Variants in PDIA2 observed in about 807,000 individuals in gnomAD.
The protein encoded by PDIA2 is protein disulfide-isomerase A2.
Under a neutral mutation model 51.1 loss-of-function variants are expected in PDIA2, and 76 were observed. The ratio of observed to expected loss-of-function variants is 1.49; its 90% CI spans 1.24 to 1.80. The LOEUF (loss-of-function observed/expected upper bound fraction) is 1.80, where lower values mean the gene tolerates loss of function less well. PDIA2 is among the 40% of genes most tolerant of loss of function. PDIA2 has a pLI of 0.00. For synonymous variants in PDIA2, 429 were observed against 309.9 expected (o/e 1.38, Z -4.04); for missense variants, 946 against 706.5 (o/e 1.34, Z -3.84).
chr16:285,803 CAG>C lies in PDIA2; in HGVS notation c.1119+101_1119+102del, dbSNP rs2052349988. The C allele has an allele frequency of 7.6e-6, 10 of 1,322,044 alleles. No individual in the cohort carries two copies. The African/African-American group carries it at 1.5e-4, about 19-fold the overall frequency. 81.9% of individuals were successfully genotyped at this position (1,322,044 alleles called of 1,614,324 possible). ...CAGCTCTCAGAGCCCCCTGCCCCTGCAGGCCCCGCAGAGGCCCCCCTCAACCC... is the reference window on the plus strand; with the variant it reads ...CAGCTCTCAGAGCCCCCTGCCCCTGCGCCCCGCAGAGGCCCCCCTCAACCC... On this transcript the variant is annotated intron_variant, in intron 7 of 10. Coordinates refer to ENST00000219406, the MANE Select transcript of PDIA2 (RefSeq NM_006849.4).
chr16:286,319 C>T (rs932088044), intron 7 of PDIA2, 34 bp from the exon 8 acceptor site: 5 of 1,566,594 alleles, frequency 3.2e-6, no homozygotes, highest in East Asian at 2.3e-5. Context: ...CTGCAGAGGA[C>T]CCCTGGCAAA....
chr16:283,780 G>A (rs1050042894), intron 1 of PDIA2, among the ~76,000 whole-genome samples: 21 of 152,214 alleles, frequency 1.4e-4, no homozygotes, highest in South Asian at 6.2e-4. Context: ...ACACACATAG[G>A]AACTGTTCTT....
chr16:286,844 T>C lies in PDIA2; in HGVS notation c.1432T>C (p.Tyr478His), dbSNP rs374859186. ...CCCTGCCTCTTCTCAGGTGATTGAA[T>C]ACAAAAGCACCAGGGACCTGGAGAC... ...PAGPGRKVIEYKSTRDLETFS... is the reference protein window; with the variant it reads ...PAGPGRKVIEHKSTRDLETFS... Residue 478 changes from tyrosine (Y) to histidine (H), a missense_variant, in exon 10 of 11, where the codon TAC becomes CAC. Tyr to His is a moderately conservative substitution (Grantham distance 83, BLOSUM62 2). Coordinates refer to ENST00000219406, the MANE Select transcript of PDIA2 (RefSeq NM_006849.4). The C allele has an allele frequency of 3.7e-6, 6 of 1,610,396 alleles. No individual in the cohort carries two copies. The highest frequency in any genetic ancestry group is 4.5e-5 in the East Asian group (2 of 44,828).
chr16:286,927 G>C lies in PDIA2; in HGVS notation c.1515G>C (p.Glu505Asp), dbSNP rs745610054. The C allele has an allele frequency of 2.5e-6, 4 of 1,599,332 alleles. No individual in the cohort carries two copies. The South Asian group carries it at 3.3e-5, about 13-fold the overall frequency. Reference protein sequence around the residue: ...GVLPTEEPPEEPAAPFPEPPA... With the variant: ...GVLPTEEPPEDPAAPFPEPPA... Reference sequence around the variant, plus strand: ...TGCCCACGGAGGAGCCCCCGGAGGAGCCAGCAGCCCCGTTCCCGGTGGGTG... The same window carrying C: ...TGCCCACGGAGGAGCCCCCGGAGGACCCAGCAGCCCCGTTCCCGGTGGGTG... The change falls in exon 10 of 11, where the codon GAG becomes GAC. Residue 505 changes from glutamate (E) to aspartate (D), a missense_variant. Physicochemically the swap from Glu to Asp is conservative, Grantham distance 45. Coordinates refer to ENST00000219406, the MANE Select transcript of PDIA2 (RefSeq NM_006849.4).
At chr16:284,816 C>T (rs567851675) in intron 3 of PDIA2, 24 bp downstream of exon 3, 45 of 1,590,398 alleles carry the variant, frequency 2.8e-5, no homozygotes, top group Middle Eastern at 3.4e-4. Flanking sequence ...CATGGGGGGC[C>T]GGGCCATGAG....
In PDIA2 at chr16:286,728, G is replaced by C; in HGVS notation, c.1415G>C (p.Gly472Ala). The change falls in exon 9 of 11, where the codon GGT becomes GCT. Residue 472 changes from glycine to alanine, a missense_variant. Gly to Ala is a moderately conservative substitution (Grantham distance 60). Transcript: ENST00000219406. ...CTCAAGTACTTCCCAGCAGGGCCAG[G>C]TCGGAAGGTATGGCGGACAGGTGGC... ...PTLKYFPAGP[G>A]RKVIEYKSTR... 1 of 1,612,896 alleles carries C rather than the reference G, an allele frequency of 6.2e-7. No individual in the cohort carries two copies. The highest frequency in any genetic ancestry group is 8.5e-7 in the Non-Finnish European group (1 of 1,179,970).
At chr16:283,440 T>G in intron 1 of PDIA2, 72 bp downstream of exon 1, 1 of 1,440,298 alleles carries the variant, frequency 6.9e-7, no homozygotes, top group Non-Finnish European at 9.2e-7. Flanking sequence ...CCCCACCCTT[T>G]GCCGGCAAAT....
chr16:285,256 A>G, intron 5 of PDIA2, 56 bp downstream of exon 5: 1 of 1,612,092 alleles, frequency 6.2e-7, no homozygotes, highest in Non-Finnish European at 8.5e-7. Flanking sequence ...TCGTCCAGGG[A>G]TGGGGGTGCC....
intron 7 of PDIA2, 51 bp downstream of exon 7, chr16:285,754 C>T: frequency 1.9e-6 from 3 of 1,571,022 alleles, no homozygotes; most frequent in Non-Finnish European, 2.6e-6. Flanking sequence ...CTCATCCCAC[C>T]AGCTTGGCAG....
intron 4 of PDIA2, 33 bp downstream of exon 4, chr16:285,048 G>GCTGCAGCGCCCGCTAACCCAC (rs1299973917): frequency 6.2e-7 from 1 of 1,613,172 alleles, no homozygotes; most frequent in Non-Finnish European, 8.5e-7. Flanking sequence ...TTGGGGTCCG[G>GCTGCAGCGCCCGCTAACCCAC]CTGCAGCGCC....
Position 286,682 on chromosome 16 carries a change from G to C in PDIA2, c.1369G>C (p.Ala457Pro), listed in dbSNP as rs777980410. Residue 457 changes from alanine (A) to proline (P), a missense_variant, in exon 9 of 11, where the codon GCT becomes CCT. Physicochemically the swap from Ala to Pro is conservative, Grantham distance 27. Transcript: ENST00000219406. ...CACGGCCAACGAGCTGGATGCCTTCGCTGTGCACGGCTTCCCTACTCTCAA... is the reference window on the plus strand; with the variant it reads ...CACGGCCAACGAGCTGGATGCCTTCCCTGTGCACGGCTTCCCTACTCTCAA... Reference protein sequence around the residue: ...DATANELDAFAVHGFPTLKYF... With the variant: ...DATANELDAFPVHGFPTLKYF... The C allele has an allele frequency of 6.2e-7, 1 of 1,612,878 alleles. No individual in the cohort carries two copies. The highest frequency in any genetic ancestry group is 8.5e-7 in the Non-Finnish European group (1 of 1,179,996).
In PDIA2 at chr16:285,148, C is replaced by G; in HGVS notation, c.743C>G (p.Ser248Trp). Residue 248 changes from serine to tryptophan, a missense_variant, in exon 5 of 11, where the codon TCG (serine) becomes TGG (tryptophan). Coordinates refer to ENST00000219406, the MANE Select transcript of PDIA2 (RefSeq NM_006849.4). ...CTTGGCCTGGACCTGGGGGATCTGT[C>G]GCGCTTCCTGGTCACACACAGCATG... is the stretch of plus-strand genomic sequence containing the variant. ...EELGLDLGDL[S>W]RFLVTHSMRL... 2 of 1,612,916 alleles carry G rather than the reference C, an allele frequency of 1.2e-6. No individual in the cohort carries two copies. Among genetic ancestry groups the G allele is most frequent in the Non-Finnish European group, 1.7e-6 (2 of 1,179,870 alleles).
chr16:286,373 G>GA lies in PDIA2; in HGVS notation c.1141dup (p.Ile381AsnfsTer4). 1.2e-6 allele frequency: 2 copies of GA among 1,609,604 alleles called. No individual in the cohort carries two copies. Among genetic ancestry groups the GA allele is most frequent in the Non-Finnish European group, 1.7e-6 (2 of 1,179,138 alleles). On this transcript the variant is annotated frameshift_variant, in exon 8 of 11. Transcript: ENST00000219406. LOFTEE classifies it high-confidence loss of function. ...CCCAGCCCTATCTCCTGAGCCAGGAGATACCCCCTGATTGGGATCAGCGGC... is the reference window on the plus strand; with the variant it reads ...CCCAGCCCTATCTCCTGAGCCAGGAGAATACCCCCTGATTGGGATCAGCGGC...
At position 286,474 on chromosome 16, in the gene PDIA2, G is replaced by GT; in HGVS notation, c.1240+2dup. 2 of 1,613,234 alleles carry GT rather than the reference G, an allele frequency of 1.2e-6. No homozygotes were observed. Among genetic ancestry groups the GT allele is most frequent in the East Asian group, 2.2e-5 (1 of 44,844 alleles). On this transcript the variant is annotated splice_donor_variant, in intron 8 of 10. Coordinates refer to ENST00000219406, the MANE Select transcript of PDIA2 (RefSeq NM_006849.4). LOFTEE classifies it high-confidence loss of function. The stretch of plus-strand genomic sequence containing the variant: ...ACCAAGAATGTGTTTGTCAAGTTCT[G>GT]TGAGTGTTGAGGGAGGCAGGGGTGG...
chr16:286,503 G>T, intron 8 of PDIA2, 30 bp downstream of exon 8: 1 of 1,612,900 alleles, frequency 6.2e-7, no homozygotes, highest in Admixed American at 1.7e-5. Context: ...GGGGTGGTGT[G>T]GGCTGGGCAG....
At chr16:286,033 C>T (rs1319356578) in intron 7 of PDIA2, among the ~76,000 whole-genome samples, 2 of 113,050 alleles carry the variant, frequency 1.8e-5, no homozygotes, top group East Asian at 2.2e-4. Context: ...TCCAACCCCG[C>T]GGTTCTCCCA....
In PDIA2 at chr16:286,436, G is replaced by A. The variant is rs756917343; in HGVS notation, c.1203G>A (p.Val401=). ...KTLVGKNFEQ[V]AFDETKNVFV... is the part of the protein sequence containing the mutation. ...TCGTGGGCAAGAATTTTGAGCAGGT[G>A]GCTTTTGACGAAACCAAGAATGTGT... The change falls in exon 8 of 11, where the codon GTG becomes GTA. Residue 401 remains valine, a synonymous_variant. Transcript: ENST00000219406. 6.2e-7 allele frequency: 1 copy of A among 1,612,926 alleles called. No homozygotes were observed. The highest frequency in any genetic ancestry group is 8.5e-7 in the Non-Finnish European group (1 of 1,179,918).
intron 7 of PDIA2, among the ~76,000 whole-genome samples, 186 bp downstream of exon 7, chr16:285,889 A>AACCCC (rs1239227276): frequency 1.7e-5 from 1 of 60,006 alleles, no homozygotes; most frequent in African/African-American, 7.3e-5. Context: ...TCCCAACCCC[A>AACCCC]AACCCGCGGT....
At position 286,825 on chromosome 16, in the gene PDIA2, C is replaced by G. The variant is rs190037855; in HGVS notation, c.1423-10C>G. ...CCACGTGTCCTCCAGATCCCCCTGC[C>G]TCTTCTCAGGTGATTGAATACAAAA... On this transcript the variant is annotated splice_polypyrimidine_tract_variant and intron_variant, in intron 9 of 10. Coordinates refer to ENST00000219406, the MANE Select transcript of PDIA2 (RefSeq NM_006849.4). 7 of 1,611,346 alleles carry G rather than the reference C, an allele frequency of 4.3e-6. No individual in the cohort carries two copies. Among genetic ancestry groups the G allele is most frequent in the Non-Finnish European group, 5.1e-6 (6 of 1,179,292 alleles).
Sources: gnomAD v4.1 joint callset for allele counts (sites outside exome capture counted in the v4.1 genomes callset) on GRCh38, gnomAD v4.1.1 for gene constraint, MANE v1.5 for transcripts, NCBI Gene and HGNC (gene_info 2026-07-23, HGNC 2026-07-21) for gene names.